RAB11FIP3: variants seen among roughly 807,000 people sequenced by gnomAD.
The protein encoded by RAB11FIP3 is RAB11 family interacting protein 3.
Under a neutral mutation model 77.8 loss-of-function variants are expected in RAB11FIP3, and 17 were observed. The observed-to-expected ratio is 0.22, with a 90% CI of 0.15 to 0.33. The LOEUF is 0.33. Among genes scored for constraint, RAB11FIP3 ranks in the 10% least tolerant of loss-of-function variants. The pLI is 1.00. For missense variants in RAB11FIP3, 1,005 were observed against 1,011.2 expected, an observed-to-expected ratio of 0.99 and a Z score of 0.08; for synonymous variants, 437 against 448.2, an observed-to-expected ratio of 0.98 and a Z score of 0.31.
chr16:429,829 G>T (rs573552204), intron 1 of RAB11FIP3, among the ~76,000 whole-genome samples: 2 of 152,204 alleles, frequency 1.3e-5, no homozygotes, highest in Admixed American at 6.5e-5. Flanking sequence ...ATTTTCAGAG[G>T]TAGCATATTG....
Position 471,378 on chromosome 16 carries a change from G to C in RAB11FIP3, c.892G>C (p.Val298Leu). Residue 298 changes from valine (V) to leucine (L), a missense_variant, in exon 3 of 14, where the codon GTC becomes CTC. Transcript: ENST00000262305. The surrounding 1 kb of genome is among the most constrained non-coding windows in gnomAD (Gnocchi z 4.4). The part of the protein sequence containing the change: ...LACPDEFDDF[V>L]TYEANEVTDS... Reference sequence around the variant, plus strand: ...CTGCCCGGACGAGTTCGATGACTTCGTCACCTATGAGGCAAGTGGTTTTCA... The same window carrying C: ...CTGCCCGGACGAGTTCGATGACTTCCTCACCTATGAGGCAAGTGGTTTTCA... 1 of 1,611,548 alleles carries C rather than the reference G, an allele frequency of 6.2e-7. No homozygotes were observed. Among genetic ancestry groups the C allele is most frequent in the Non-Finnish European group, 8.5e-7 (1 of 1,178,270 alleles).
At chr16:463,199 G>A (rs2055645732) in intron 2 of RAB11FIP3, among the ~76,000 whole-genome samples, 1 of 151,984 alleles carries the variant, frequency 6.6e-6, no homozygotes, top group South Asian at 2.1e-4. Context: ...GCGGTGTAGG[G>A]GTGACGGTGG....
chr16:491,380 C>T lies in RAB11FIP3; in HGVS notation c.1265+2380C>T, dbSNP rs7185745. 8,295 of 1,153,266 alleles carry T rather than the reference C, an allele frequency of 7.2e-3. 260 individuals are homozygous for T. In the African/African-American group the frequency reaches 0.088, roughly 12 times the overall value. The allele number at this position is 1,153,266 out of a possible 1,614,324, so 71.4% of individuals were successfully genotyped here. The stretch of plus-strand genomic sequence containing the variant: ...AGGCGACCAGGAGCCTCTCAGGCAG[C>T]GGGACTCTCCCTGGGGCCCCGCCTC... On this transcript the variant is annotated intron_variant, in intron 5 of 13. Transcript: ENST00000262305.
At position 507,662 on chromosome 16, in the gene RAB11FIP3, G is replaced by A. The variant is rs1359098174; in HGVS notation, c.1499+2035G>A. 6.6e-6 allele frequency among the ~76,000 whole-genome samples: 1 copy of A among 152,246 alleles called. No homozygotes were observed. Among genetic ancestry groups the A allele is most frequent in the Non-Finnish European group, 1.5e-5 (1 of 68,038 alleles). On this transcript the variant is annotated intron_variant, in intron 8 of 13. Coordinates refer to ENST00000262305, the MANE Select transcript of RAB11FIP3 (RefSeq NM_014700.4). The surrounding 1 kb of genome is among the most constrained non-coding windows in gnomAD (Gnocchi z 4.6). The stretch of plus-strand genomic sequence containing the variant: ...TGCCGCCTGGCACCACCCACTGACC[G>A]TCTGCAGTGCAGCCCCGGCCACATT...
At chr16:513,879 T>C (rs902373741) in intron 9 of RAB11FIP3, among the ~76,000 whole-genome samples, 18 of 152,196 alleles carry the variant, frequency 1.2e-4, no homozygotes, top group African/African-American at 4.3e-4. Context: ...GGACAGTGTT[T>C]TCCCCGGGCC....
chr16:489,833 C>G (rs951809937), intron 5 of RAB11FIP3, among the ~76,000 whole-genome samples: 16 of 152,188 alleles, frequency 1.1e-4, no homozygotes, highest in South Asian at 2.1e-4. Context: ...TCCCATGTGC[C>G]CTCCTTGAAG....
At chr16:454,662 C>T (rs576122813) in intron 1 of RAB11FIP3, among the ~76,000 whole-genome samples, 1 of 152,302 alleles carries the variant, frequency 6.6e-6, no homozygotes, top group Admixed American at 6.5e-5. Context: ...TCCAAGGTCC[C>T]TGAGGCTAAT....
Position 519,831 on chromosome 16 carries a change from G to A in RAB11FIP3, c.1800G>A (p.Met600Ile), listed in dbSNP as rs774221551. 6.2e-7 allele frequency: 1 copy of A among 1,604,312 alleles called. No homozygotes were observed. The highest frequency in any genetic ancestry group is 1.1e-5 in the South Asian group (1 of 89,410). ...LSEEQENKRRMGDRLSHERHQ... is the reference protein window; with the variant it reads ...LSEEQENKRRIGDRLSHERHQ... ...AAGAGCAGGAGAACAAGAGGAGAAT[G>A]GGGGACAGGCTGAGTCACGAGAGGC... Residue 600 changes from methionine to isoleucine, a missense_variant, in exon 11 of 14, where the codon ATG becomes ATA. Transcript: ENST00000262305.
At chr16:433,387 T>C (rs950954387) in intron 1 of RAB11FIP3, among the ~76,000 whole-genome samples, 4 of 150,492 alleles carry the variant, frequency 2.7e-5, no homozygotes, top group African/African-American at 9.8e-5. Context: ...GCCTCTGATA[T>C]CAATCGCTCT....
chr16:442,028 C>T (rs926867290), intron 1 of RAB11FIP3, among the ~76,000 whole-genome samples: 2 of 152,092 alleles, frequency 1.3e-5, no homozygotes, highest in African/African-American at 4.8e-5. Context: ...TTAGTAGAGA[C>T]GGGGTTTCAC....
chr16:485,138 C>A (rs9939879), intron 4 of RAB11FIP3, among the ~76,000 whole-genome samples: 23,920 of 151,890 alleles, frequency 0.16, 2,798 homozygotes, highest in African/African-American at 0.33. Context: ...GGCCACGCAG[C>A]CCCCGTGGCA....
chr16:445,975 G>C (rs1344307521), intron 1 of RAB11FIP3, among the ~76,000 whole-genome samples: 3 of 152,076 alleles, frequency 2.0e-5, no homozygotes, highest in African/African-American at 4.8e-5. Context: ...GGGTAGGTGG[G>C]GCTGGAAAGT....
At position 461,026 on chromosome 16, in the gene RAB11FIP3, T is replaced by C. The variant is rs545544855; in HGVS notation, c.715-378T>C. 6.6e-6 allele frequency among the ~76,000 whole-genome samples: 1 copy of C among 150,808 alleles called. No individual in the cohort carries two copies. Among genetic ancestry groups the C allele is most frequent in the Non-Finnish European group, 1.5e-5 (1 of 67,994 alleles). ...AGCTCGCGATACAGCCTAATCCCGATTCCCTAAAGCGGCCCGCAGCCTTCT... is the reference window on the plus strand; with the variant it reads ...AGCTCGCGATACAGCCTAATCCCGACTCCCTAAAGCGGCCCGCAGCCTTCT... On this transcript the variant is annotated intron_variant, in intron 1 of 13. Transcript: ENST00000262305. This position sits in a 1 kb window ranked among gnomAD's most constrained non-coding sequence, Gnocchi z 4.5.
At position 426,104 on chromosome 16, in the gene RAB11FIP3, C is replaced by T. The variant is rs1487025864; in HGVS notation, c.98C>T (p.Ala33Val). ...GPDGPGAAQL[A>V]PGPAELRLGA... ...GACGGGCCGGGGGCGGCACAACTGGCTCCGGGCCCTGCGGAGCTACGCCTC... is the reference window on the plus strand; with the variant it reads ...GACGGGCCGGGGGCGGCACAACTGGTTCCGGGCCCTGCGGAGCTACGCCTC... The change falls in exon 1 of 14, where the codon GCT (alanine) becomes GTT (valine). Residue 33 changes from alanine to valine, a missense_variant. Coordinates refer to ENST00000262305, the MANE Select transcript of RAB11FIP3 (RefSeq NM_014700.4). This position sits in a 1 kb window ranked among gnomAD's most constrained non-coding sequence, Gnocchi z 5.0. 8.0e-6 allele frequency: 8 copies of T among 1,005,724 alleles called. No individual in the cohort carries two copies. The African/African-American group carries it at 1.4e-4, about 18-fold the overall frequency. The allele number at this position is 1,005,724 out of a possible 1,614,324, so 62.3% of individuals were successfully genotyped here. A position where few individuals can be genotyped will look rare whatever the true frequency, so the allele number is the denominator to read the frequency against.
chr16:438,142 C>G (rs2055162372), intron 1 of RAB11FIP3, among the ~76,000 whole-genome samples: 1 of 151,898 alleles, frequency 6.6e-6, no homozygotes, highest in African/African-American at 2.4e-5. Context: ...GAGTCTTCCT[C>G]TGTCACCCAG....
intron 1 of RAB11FIP3, among the ~76,000 whole-genome samples, chr16:453,789 T>A (rs1016279535): frequency 2.6e-5 from 4 of 151,674 alleles, no homozygotes; most frequent in Non-Finnish European, 5.9e-5. Context: ...GAGGCGGGGT[T>A]TCACCATGTT....
intron 2 of RAB11FIP3, among the ~76,000 whole-genome samples, chr16:464,214 G>A (rs2055664864): frequency 6.6e-6 from 1 of 152,200 alleles, no homozygotes; most frequent in African/African-American, 2.4e-5. Context: ...GGACAGTCAG[G>A]AGGCCTCAGA....
intron 2 of RAB11FIP3, among the ~76,000 whole-genome samples, chr16:468,221 G>GCTGGGACGTCAGGGAGGAGGTCCTT (rs1567374282): frequency 3.0e-5 from 4 of 135,498 alleles, no homozygotes; most frequent in Non-Finnish European, 6.5e-5. Flanking sequence ...AGGAGGTGCT[G>GCTGGGACGTCAGGGAGGAGGTCCTT]GGGCGTCAGG....
At chr16:520,044 G>A (rs2032606477) in intron 11 of RAB11FIP3, 78 bp from the exon 12 acceptor site, 1 of 1,535,064 alleles carries the variant, frequency 6.5e-7, no homozygotes, top group East Asian at 2.5e-5. Flanking sequence ...TCAACCCTGA[G>A]GTTCTACAGC....
Sources: gnomAD v4.1 joint callset for allele counts (sites outside exome capture counted in the v4.1 genomes callset) on GRCh38, gnomAD v4.1.1 for gene constraint, Gnocchi (gnomAD v3.1) non-coding constraint, MANE v1.5 for transcripts, NCBI Gene and HGNC (gene_info 2026-07-23, HGNC 2026-07-21) for gene names.